The following MAGI2 variants were observed in gnomAD, a reference collection of about 807,000 sequenced individuals.
MAGI2 encodes the protein membrane-associated guanylate kinase, WW and PDZ domain-containing protein 2.
MAGI2 carries 35 observed loss-of-function variants against 133.3 expected under a neutral mutation model. The observed-to-expected ratio is 0.26, with a 90% CI of 0.20 to 0.35. MAGI2 has a LOEUF of 0.35. Ranked by LOEUF, MAGI2 falls within the 10% of genes least tolerant of loss-of-function variation. The pLI is 1.00. For synonymous variants in MAGI2, 729 were observed against 710.6 expected (o/e 1.03, Z -0.41); for missense variants, 1,636 against 1,863.4 (o/e 0.88, Z 2.25).
chr7:79,185,667 T>A (rs1562972271), intron 1 of MAGI2, among the ~76,000 whole-genome samples: 1 of 151,970 alleles, frequency 6.6e-6, no homozygotes, highest in East Asian at 1.9e-4. Context: ...AAATGATGAA[T>A]GTTATACATG....
intron 10 of MAGI2, chr7:78,255,530 A>G (rs112420448): frequency 0.027 from 9,225 of 337,618 alleles, 185 homozygotes; most frequent in Non-Finnish European, 0.034. Context: ...TCCACCTGCT[A>G]GCCTGGAAAC....
chr7:78,475,010 C>T (rs181399521), intron 6 of MAGI2, among the ~76,000 whole-genome samples: 41 of 151,752 alleles, frequency 2.7e-4, no homozygotes, highest in Admixed American at 9.9e-4. Flanking sequence ...GTTCATCTAT[C>T]CCTTTCTTGG....
chr7:79,070,087 G>T (rs1334878719), intron 1 of MAGI2, among the ~76,000 whole-genome samples: 2 of 151,960 alleles, frequency 1.3e-5, no homozygotes, highest in African/African-American at 4.8e-5. Flanking sequence ...GTGTCTTGGG[G>T]TTTGCTCTTC....
chr7:79,403,601 G>A (rs1482424103), intron 1 of MAGI2, among the ~76,000 whole-genome samples: 4 of 151,906 alleles, frequency 2.6e-5, no homozygotes, highest in African/African-American at 9.7e-5. Flanking sequence ...TTAAATTTTT[G>A]TTTCAAATAA....
chr7:78,123,682 T>C (rs905747120), intron 20 of MAGI2, among the ~76,000 whole-genome samples: 17 of 152,238 alleles, frequency 1.1e-4, no homozygotes, highest in African/African-American at 3.4e-4. Context: ...CGCTGCACAA[T>C]TTAAAATTTA....
At chr7:78,751,440 C>G (rs1823448752) in intron 2 of MAGI2, among the ~76,000 whole-genome samples, 1 of 152,152 alleles carries the variant, frequency 6.6e-6, no homozygotes, top group Non-Finnish European at 1.5e-5. Context: ...CGACAGAAGT[C>G]CAGCAAACCT....
chr7:78,138,625 T>TCACACATACACA lies in MAGI2; in HGVS notation c.2846-3420_2846-3419insTGTGTATGTGTG, dbSNP rs1491145483. Among the ~76,000 whole-genome samples, 1,205 of 129,456 alleles carry TCACACATACACA rather than the reference T, an allele frequency of 9.3e-3. 29 individuals carry two copies. Among genetic ancestry groups the TCACACATACACA allele is most frequent in the East Asian group, 0.017 (76 of 4,368 alleles). 84.9% of individuals were successfully genotyped at this position (129,456 alleles called of 152,430 possible). A position where few individuals can be genotyped will look rare whatever the true frequency, so the allele number is the denominator to read the frequency against. ...ATCCCAAATGTTTCAAAACATAGATTCACACACACACACACACACACACAC... is the reference window on the plus strand; with the variant it reads ...ATCCCAAATGTTTCAAAACATAGATTCACACATACACACACACACACACACACACACACACAC... On this transcript the variant is annotated intron_variant, in intron 16 of 21. Transcript: ENST00000354212.
intron 1 of MAGI2, among the ~76,000 whole-genome samples, chr7:79,131,118 A>C (rs1212211197): frequency 6.6e-6 from 1 of 152,146 alleles, no homozygotes; most frequent in East Asian, 1.9e-4. Flanking sequence ...AGGGAACACA[A>C]AGTCTTCATA....
At chr7:79,218,254 A>G (rs1287917544) in intron 1 of MAGI2, among the ~76,000 whole-genome samples, 1 of 151,962 alleles carries the variant, frequency 6.6e-6, no homozygotes. Flanking sequence ...CACTGTAAAA[A>G]TCCCCAGTGT....
chr7:79,285,817 A>G lies in MAGI2; in HGVS notation c.301+167203T>C, dbSNP rs560256122. ...GGTTGTCTTTTGAGGTAGTTCTTTAAAGTATTCAACCTGGGGTTTTGTAAC... is the reference window on the plus strand; with the variant it reads ...GGTTGTCTTTTGAGGTAGTTCTTTAGAGTATTCAACCTGGGGTTTTGTAAC... On this transcript the variant is annotated intron_variant, in intron 1 of 21. Coordinates refer to ENST00000354212, the MANE Select transcript of MAGI2 (RefSeq NM_012301.4). Among the ~76,000 whole-genome samples, 3 of 152,246 alleles carry G rather than the reference A, an allele frequency of 2.0e-5. No individual in the cohort carries two copies. In the South Asian group the frequency reaches 6.2e-4, roughly 32 times the overall value.
At chr7:78,757,956 G>C (rs1360843601) in intron 2 of MAGI2, among the ~76,000 whole-genome samples, 1 of 152,054 alleles carries the variant, frequency 6.6e-6, no homozygotes, top group African/African-American at 2.4e-5. Context: ...AGTACTCTTG[G>C]ATGACAAATA....
chr7:78,539,128 T>C (rs941886874), intron 3 of MAGI2, among the ~76,000 whole-genome samples: 1 of 152,238 alleles, frequency 6.6e-6, no homozygotes, highest in African/African-American at 2.4e-5. Context: ...ACTTTCTCCA[T>C]TCAGAATAAC....
Position 78,775,320 on chromosome 7 carries a change from TAAAAAA to T in MAGI2, c.419-148087_419-148082del, listed in dbSNP as rs3086258. On this transcript the variant is annotated intron_variant, in intron 2 of 21. Transcript: ENST00000354212. ...AGAGCGAGACTCTGTCGTCTCAAAT[TAAAAAA>T]AAAAAAAAAAAAAAAAAAAAAAAAA... is the stretch of plus-strand genomic sequence containing the variant. 6.6e-4 allele frequency among the ~76,000 whole-genome samples: 38 copies of T among 57,368 alleles called. No individual in the cohort carries two copies. In the East Asian group the frequency reaches 0.011, roughly 16 times the overall value. The allele number at this position is 57,368 out of a possible 152,430, so 37.6% of individuals were successfully genotyped here. A position where few individuals can be genotyped will look rare whatever the true frequency, so the allele number is the denominator to read the frequency against.
intron 1 of MAGI2, among the ~76,000 whole-genome samples, chr7:79,317,010 T>C (rs945093999): frequency 6.8e-6 from 1 of 147,536 alleles, no homozygotes; most frequent in Non-Finnish European, 1.5e-5. Flanking sequence ...GGTTTTTTTT[T>C]TTCTTTTTCT....
In MAGI2 at chr7:78,975,156, C is replaced by T. The variant is rs374618941; in HGVS notation, c.418+31934G>A. Among the ~76,000 whole-genome samples, 91 of 151,640 alleles carry T rather than the reference C, an allele frequency of 6.0e-4. 1 individual carries two copies. Among genetic ancestry groups the T allele is most frequent in the Non-Finnish European group, 1.0e-3 (70 of 67,814 alleles). On this transcript the variant is annotated intron_variant, in intron 2 of 21. Coordinates refer to ENST00000354212, the MANE Select transcript of MAGI2 (RefSeq NM_012301.4). ...GACATCAGTAAGGATATAGTTGACT[C>T]GAATAGCACCACGAATCAGTTTAAC...
chr7:79,093,755 C>T (rs1817290977), intron 1 of MAGI2, among the ~76,000 whole-genome samples: 1 of 146,272 alleles, frequency 6.8e-6, no homozygotes, highest in Non-Finnish European at 1.5e-5. Context: ...GTTCTTGTTG[C>T]CCAGGCTGGA....
chr7:78,040,495 T>C (rs1810708811), intron 21 of MAGI2, among the ~76,000 whole-genome samples: 1 of 152,160 alleles, frequency 6.6e-6, no homozygotes, highest in Admixed American at 6.5e-5. Context: ...CACCCCTTTC[T>C]CAACCTTCCC....
chr7:79,120,667 G>A (rs1359416055), intron 1 of MAGI2, among the ~76,000 whole-genome samples: 1 of 152,018 alleles, frequency 6.6e-6, no homozygotes, highest in Non-Finnish European at 1.5e-5. Context: ...TAGAAGATGA[G>A]AGAAAGGACC....
chr7:78,227,565 C>G (rs959614370), intron 10 of MAGI2, among the ~76,000 whole-genome samples: 1 of 152,174 alleles, frequency 6.6e-6, no homozygotes, highest in Non-Finnish European at 1.5e-5. Context: ...TCAGGCGATT[C>G]TTTTCCTAAG....
Sources: allele counts gnomAD v4.1 joint callset (sites outside exome capture counted in the v4.1 genomes callset), GRCh38; gene constraint gnomAD v4.1.1; transcripts MANE v1.5; gene names NCBI Gene and HGNC (gene_info 2026-07-23, HGNC 2026-07-21).